The following ULK4 variants were observed in gnomAD, a reference collection of about 807,000 sequenced individuals.
ULK4 encodes the protein inactive serine/threonine-protein kinase ULK4.
ULK4 carries 133 observed loss-of-function variants against 160.6 expected under a neutral mutation model. That is an observed-to-expected ratio of 0.83 (90% CI 0.72 to 0.96). The LOEUF (loss-of-function observed/expected upper bound fraction) is 0.96, where lower values mean the gene tolerates loss of function less well. Ranked by LOEUF, ULK4 falls within the 40% of genes least tolerant of loss-of-function variation. ULK4 has a pLI of 0.00. For missense variants in ULK4, 1,580 were observed against 1,499.5 expected (o/e 1.05, Z -0.89); for synonymous variants, 534 against 539.8 (o/e 0.99, Z 0.15).
At chr3:41,350,881 T>A (rs915363095) in intron 35 of ULK4, among the ~76,000 whole-genome samples, 1 of 152,170 alleles carries the variant, frequency 6.6e-6, no homozygotes, top group African/African-American at 2.4e-5. Flanking sequence ...CACAGGGAAG[T>A]TCACAAGACA....
At chr3:41,856,621 ATATATATATG>A (rs960599104) in intron 17 of ULK4, among the ~76,000 whole-genome samples, 2 of 122,878 alleles carry the variant, frequency 1.6e-5, no homozygotes, top group Non-Finnish European at 3.2e-5. Context: ...ATATACACAT[ATATATATATG>A]TATATATATG....
intron 31 of ULK4, among the ~76,000 whole-genome samples, chr3:41,566,931 A>C (rs2087801816): frequency 6.6e-6 from 1 of 152,198 alleles, no homozygotes; most frequent in Admixed American, 6.5e-5. Flanking sequence ...CACGAGGTGC[A>C]AAATGTAAGG....
rs1697854451 is a variant in ULK4 at position 41,889,855 on chromosome 3, A to C, written c.1577+5663T>G. ...ATTCATAATAGCCAAATGTGGAAAC[A>C]ACCCCAAATGTCCATCAAGACCACA... On this transcript the variant is annotated intron_variant, in intron 16 of 36. Transcript: ENST00000301831. 2.0e-5 allele frequency among the ~76,000 whole-genome samples: 3 copies of C among 152,242 alleles called. No homozygotes were observed. In the South Asian group the frequency reaches 6.2e-4, roughly 31 times the overall value.
chr3:41,495,378 T>C (rs577706728), intron 32 of ULK4, among the ~76,000 whole-genome samples: 2 of 151,960 alleles, frequency 1.3e-5, no homozygotes, highest in Non-Finnish European at 2.9e-5. Flanking sequence ...TAGCCATATG[T>C]AGAAAGCTGA....
intron 32 of ULK4, among the ~76,000 whole-genome samples, chr3:41,534,823 T>C (rs1037729419): frequency 1.3e-5 from 2 of 152,248 alleles, no homozygotes; most frequent in Non-Finnish European, 2.9e-5. Context: ...GAATCTGATA[T>C]GGTTTTTATC....
chr3:41,476,612 T>C (rs1329524271), intron 32 of ULK4, among the ~76,000 whole-genome samples: 1 of 152,156 alleles, frequency 6.6e-6, no homozygotes, highest in African/African-American at 2.4e-5. Flanking sequence ...GCCATTCCTT[T>C]TTTTTTTATT....
At chr3:41,501,441 T>C (rs2085204537) in intron 32 of ULK4, among the ~76,000 whole-genome samples, 1 of 152,164 alleles carries the variant, frequency 6.6e-6, no homozygotes, top group African/African-American at 2.4e-5. Flanking sequence ...GCGCTTGCAG[T>C]GAGCCGAGAT....
intron 17 of ULK4, among the ~76,000 whole-genome samples, chr3:41,865,345 G>C (rs2042593386): frequency 7.9e-6 from 1 of 126,956 alleles, no homozygotes; most frequent in Admixed American, 9.2e-5. Flanking sequence ...TTCACTTCTA[G>C]TTTTCTATAC....
chr3:41,649,884 T>C (rs1178744435), intron 30 of ULK4, among the ~76,000 whole-genome samples: 3 of 151,944 alleles, frequency 2.0e-5, no homozygotes, highest in African/African-American at 7.3e-5. Context: ...TGGCCCAGAG[T>C]GAGAACTTAT....
rs924366193 is a variant in ULK4, at chr3:41,398,213, T to C, written c.3544A>G (p.Ile1182Val). 3.1e-6 allele frequency: 5 copies of C among 1,612,778 alleles called. No homozygotes were observed. The highest frequency in any genetic ancestry group is 2.7e-5 in the African/African-American group (2 of 74,822). The change falls in exon 35 of 37, where the codon ATA becomes GTA. Residue 1182 changes from isoleucine to valine, a missense_variant. Transcript: ENST00000301831. ...IFDVSSKCLSILVQLYGGENP... is the reference protein window; with the variant it reads ...IFDVSSKCLSVLVQLYGGENP... ...TCCCCTCCATACAGCTGAACCAGTATAGACAGGCACTTGGATGAAACATCA... is the reference window on the plus strand; with the variant it reads ...TCCCCTCCATACAGCTGAACCAGTACAGACAGGCACTTGGATGAAACATCA...
At chr3:41,314,827 G>A (rs771141490) in intron 35 of ULK4, among the ~76,000 whole-genome samples, 1 of 152,028 alleles carries the variant, frequency 6.6e-6, no homozygotes. Flanking sequence ...GTGTGTGTGT[G>A]TGTGTGTAAC....
intron 17 of ULK4, among the ~76,000 whole-genome samples, chr3:41,845,451 T>C (rs1424298199): frequency 6.6e-6 from 1 of 152,158 alleles, no homozygotes; most frequent in South Asian, 2.1e-4. Context: ...CATATGACTA[T>C]TTATACAACA....
At chr3:41,837,567 T>A (rs1010733865) in intron 17 of ULK4, among the ~76,000 whole-genome samples, 6 of 89,278 alleles carry the variant, frequency 6.7e-5, no homozygotes, top group Non-Finnish European at 1.3e-4. Context: ...ATCAATAACT[T>A]TTTTTTTTTT....
chr3:41,790,443 T>C (rs2040116640), intron 20 of ULK4, among the ~76,000 whole-genome samples: 1 of 152,214 alleles, frequency 6.6e-6, no homozygotes, highest in East Asian at 1.9e-4. Flanking sequence ...CTATTAGACA[T>C]GAAACTTAAA....
At chr3:41,911,741 A>G (rs1431682922) in intron 9 of ULK4, 82 bp from the exon 10 acceptor site, 1 of 1,057,584 alleles carries the variant, frequency 9.5e-7, no homozygotes, top group Admixed American at 2.0e-5. Flanking sequence ...AGGTTGGAGA[A>G]GATAATTAAA....
chr3:41,743,783 A>G (rs991262931), intron 22 of ULK4, among the ~76,000 whole-genome samples: 8 of 151,876 alleles, frequency 5.3e-5, no homozygotes, highest in Non-Finnish European at 7.3e-5. Flanking sequence ...CTCCTGCATC[A>G]GCCTCCCAAG....
chr3:41,569,293 A>G (rs960887416), intron 31 of ULK4, among the ~76,000 whole-genome samples: 5 of 150,580 alleles, frequency 3.3e-5, no homozygotes, highest in Non-Finnish European at 7.4e-5. Flanking sequence ...ATTGGGACTC[A>G]AAGTTTTCAG....
intron 12 of ULK4, among the ~76,000 whole-genome samples, chr3:41,906,765 C>T (rs999538924): frequency 2.0e-5 from 3 of 152,072 alleles, no homozygotes; most frequent in Non-Finnish European, 2.9e-5. Flanking sequence ...GAGGCCGAGG[C>T]GGGCAGATCA....
At chr3:41,481,961 TTTTTTG>T (rs2084342098) in intron 32 of ULK4, among the ~76,000 whole-genome samples, 1 of 152,138 alleles carries the variant, frequency 6.6e-6, no homozygotes, top group African/African-American at 2.4e-5. Flanking sequence ...CCCTATGATT[TTTTTTG>T]TTGTTGTTGT....
Sources: gnomAD v4.1 joint callset for allele counts (sites outside exome capture counted in the v4.1 genomes callset) on GRCh38, gnomAD v4.1.1 for gene constraint, MANE v1.5 for transcripts, NCBI Gene and HGNC (gene_info 2026-07-23, HGNC 2026-07-21) for gene names.